SNX25: variants seen among roughly 807,000 people sequenced by gnomAD.
SNX25 encodes the protein sorting nexin 25.
In SNX25, 62 loss-of-function variants were observed where a neutral mutation model predicts 113.7. That is an observed-to-expected ratio of 0.55 (90% confidence interval 0.44 to 0.67). The LOEUF (loss-of-function observed/expected upper bound fraction) is 0.67. Among genes scored for constraint, SNX25 ranks in the 30% least tolerant of loss-of-function variants. The probability of loss-of-function intolerance (pLI) is 0.00; values close to 1 mark genes in which losing one functional copy is unlikely to be tolerated. For synonymous variants in SNX25, 421 were observed against 436.2 expected (o/e 0.97, Z 0.43); for missense variants, 1,014 against 1,161.0 (o/e 0.87, Z 1.84).
At chr4:185,355,048 T>C (rs1471895522) in intron 15 of SNX25, among the ~76,000 whole-genome samples, 1 of 152,250 alleles carries the variant, frequency 6.6e-6, no homozygotes, top group African/African-American at 2.4e-5. Flanking sequence ...TGTGGATCCC[T>C]TCTCATTTAT....
intron 13 of SNX25, among the ~76,000 whole-genome samples, chr4:185,350,405 A>G (rs1345887008): frequency 6.6e-6 from 1 of 152,166 alleles, no homozygotes; most frequent in Non-Finnish European, 1.5e-5. Flanking sequence ...AGTGTCTTAT[A>G]ATACTAGATG....
chr4:185,371,041 G>T (rs1210711379), downstream of SNX25: 7 of 445,684 alleles, frequency 1.6e-5, no homozygotes, highest in South Asian at 9.4e-5. Context: ...TGCTCAGCAG[G>T]CTCAATAACC....
intron 5 of SNX25, among the ~76,000 whole-genome samples, chr4:185,273,791 A>G (rs1028034150): frequency 1.3e-5 from 2 of 152,124 alleles, no homozygotes; most frequent in African/African-American, 2.4e-5. Context: ...TATTTAGCAC[A>G]GTGTCCTCCA....
chr4:185,322,249 G>A (rs1388921191), intron 8 of SNX25, among the ~76,000 whole-genome samples: 2 of 152,254 alleles, frequency 1.3e-5, no homozygotes, highest in East Asian at 3.9e-4. Flanking sequence ...TGGCCGACAT[G>A]GTGAAACCCT....
chr4:185,344,339 T>C (rs573265910), intron 12 of SNX25, among the ~76,000 whole-genome samples: 1 of 152,316 alleles, frequency 6.6e-6, no homozygotes, highest in South Asian at 2.1e-4. Context: ...TGGTGTGATC[T>C]GCCCTGATGG....
At chr4:185,328,517 G>A (rs554905534) in intron 9 of SNX25, among the ~76,000 whole-genome samples, 31 of 152,132 alleles carry the variant, frequency 2.0e-4, no homozygotes, top group Non-Finnish European at 3.8e-4. Context: ...TTATGAAGAG[G>A]AAAACATAAA....
intron 18 of SNX25, 126 bp downstream of exon 18, chr4:185,362,837 C>CTTTT (rs35348535): frequency 9.4e-4 from 234 of 248,770 alleles, no homozygotes; most frequent in Middle Eastern, 2.5e-3. Context: ...TCTCCCTTGA[C>CTTTT]TTTTTTTTTT....
downstream of SNX25, chr4:185,373,118 A>G (rs749503605): frequency 3.9e-6 from 6 of 1,540,186 alleles, no homozygotes; most frequent in South Asian, 5.6e-5. Flanking sequence ...TTTGTGATCC[A>G]CTAGATGAAA....
chr4:185,367,763 G>A (rs1034048125), downstream of SNX25, among the ~76,000 whole-genome samples: 7 of 152,114 alleles, frequency 4.6e-5, no homozygotes, highest in Non-Finnish European at 8.8e-5. Flanking sequence ...ACGACAGTTG[G>A]TCACTAGGTA....
chr4:185,266,213 C>CT (rs892996545), intron 4 of SNX25, among the ~76,000 whole-genome samples: 3 of 152,096 alleles, frequency 2.0e-5, no homozygotes, highest in African/African-American at 7.2e-5. Flanking sequence ...GTGTCATTGA[C>CT]TTTTTAACTT....
intron 5 of SNX25, among the ~76,000 whole-genome samples, chr4:185,284,580 G>A (rs1751081328): frequency 6.6e-6 from 1 of 152,098 alleles, no homozygotes; most frequent in Admixed American, 6.5e-5. Flanking sequence ...CATTCATAGG[G>A]AGAAAAAAAA....
chr4:185,257,176 G>GAAAAAAAAAAA (rs11332633), intron 2 of SNX25, among the ~76,000 whole-genome samples: 1 of 106,374 alleles, frequency 9.4e-6, no homozygotes. Context: ...TTTGAAAAGT[G>GAAAAAAAAAAA]AAAAAAAAAA....
intron 2 of SNX25, among the ~76,000 whole-genome samples, chr4:185,251,795 G>C (rs1036951804): frequency 6.6e-6 from 1 of 151,696 alleles, no homozygotes; most frequent in African/African-American, 2.4e-5. Flanking sequence ...TTTTAGACCA[G>C]TTTGTTTCAG....
intron 1 of SNX25, among the ~76,000 whole-genome samples, chr4:185,239,278 T>C (rs536046342): frequency 1.3e-4 from 19 of 150,144 alleles, no homozygotes; most frequent in East Asian, 7.8e-4. Context: ...GGTCAGGAGA[T>C]CGAGACCATC....
chr4:185,354,132 C>T (rs2095328910), intron 15 of SNX25, among the ~76,000 whole-genome samples: 1 of 152,064 alleles, frequency 6.6e-6, no homozygotes, highest in Non-Finnish European at 1.5e-5. Flanking sequence ...AACATAGCGT[C>T]CTGATTTACT....
At chr4:185,207,210 C>CTTTTTTTTT (rs34373262), upstream of SNX25, among the ~76,000 whole-genome samples, 3 of 76,814 alleles carry the variant, frequency 3.9e-5, no homozygotes, top group East Asian at 4.2e-4. Context: ...ACCAGTCACA[C>CTTTTTTTTT]TTTTTTTTTT....
downstream of SNX25, among the ~76,000 whole-genome samples, chr4:185,373,530 G>A (rs2095423098): frequency 6.6e-6 from 1 of 152,180 alleles, no homozygotes; most frequent in African/African-American, 2.4e-5. Context: ...CTGTATGTAG[G>A]CTCAAGCACA....
chr4:185,280,020 C>G (rs1207234120), intron 5 of SNX25, among the ~76,000 whole-genome samples: 2 of 151,976 alleles, frequency 1.3e-5, no homozygotes, highest in Admixed American at 6.6e-5. Context: ...TCCCATGCTC[C>G]GTCAATCCTC....
intron 9 of SNX25, among the ~76,000 whole-genome samples, chr4:185,332,138 A>G (rs1440281916): frequency 6.6e-6 from 1 of 152,258 alleles, no homozygotes; most frequent in Non-Finnish European, 1.5e-5. Flanking sequence ...TGAACAAAGT[A>G]TATACTGAAA....
Sources: allele counts gnomAD v4.1 joint callset (sites outside exome capture counted in the v4.1 genomes callset), GRCh38; gene constraint gnomAD v4.1.1; transcripts MANE v1.5; gene names NCBI Gene and HGNC (gene_info 2026-07-23, HGNC 2026-07-21).